Variants in PIK3C2G observed in about 807,000 individuals in gnomAD.
The protein encoded by PIK3C2G is phosphatidylinositol-4-phosphate 3-kinase catalytic subunit type 2 gamma, also known as phosphatidylinositol 3-kinase C2 domain-containing subunit gamma.
PIK3C2G carries 168 observed loss-of-function variants against 181.1 expected under a neutral mutation model. That is an observed-to-expected ratio of 0.93 (90% CI 0.82 to 1.05). The LOEUF is 1.05. Among genes scored for constraint, PIK3C2G ranks in the 50% least tolerant of loss-of-function variants. PIK3C2G has a pLI of 0.00. For missense variants in PIK3C2G, 1,869 were observed against 1,732.8 expected, an observed-to-expected ratio of 1.08 and a Z score of -1.40; for synonymous variants, 573 against 592.2, an observed-to-expected ratio of 0.97 and a Z score of 0.47.
At chr12:18,711,695 G>A in the PIK3C2G span, among the ~76,000 whole-genome samples, 9 of 152,016 alleles carry the variant, frequency 5.9e-5, no homozygotes, top group East Asian at 1.9e-4. Context: ...AGATCGTGGC[G>A]AGAGCAGGAC....
the PIK3C2G span, among the ~76,000 whole-genome samples, chr12:18,698,764 C>A: frequency 2.0e-5 from 3 of 152,136 alleles, no homozygotes; most frequent in Non-Finnish European, 4.4e-5. Context: ...AAGCATTTAT[C>A]CTTTGTGTAA....
chr12:18,433,399 G>A (rs1035190445), intron 18 of PIK3C2G, among the ~76,000 whole-genome samples: 1 of 152,046 alleles, frequency 6.6e-6, no homozygotes, highest in Non-Finnish European at 1.5e-5. Context: ...TGTAATCCTA[G>A]CTACTTGGGA....
At chr12:18,613,254 A>G (rs1948434169) in intron 31 of PIK3C2G, among the ~76,000 whole-genome samples, 2 of 151,978 alleles carry the variant, frequency 1.3e-5, no homozygotes, top group African/African-American at 2.4e-5. Context: ...AGAAGGTGCT[A>G]AACATAACCA....
the PIK3C2G span, among the ~76,000 whole-genome samples, chr12:18,700,138 A>T: frequency 6.6e-6 from 1 of 152,168 alleles, no homozygotes; most frequent in Non-Finnish European, 1.5e-5. Context: ...TGTTAAGATA[A>T]GCTAGCTTAA....
intron 25 of PIK3C2G, among the ~76,000 whole-genome samples, chr12:18,541,408 G>A (rs1228895745): frequency 6.6e-6 from 1 of 151,822 alleles, no homozygotes; most frequent in East Asian, 1.9e-4. Flanking sequence ...GAAAATAAAA[G>A]CCTGTGTTTC....
At chr12:18,720,438 T>A in the PIK3C2G span, among the ~76,000 whole-genome samples, 1 of 151,312 alleles carries the variant, frequency 6.6e-6, no homozygotes, top group Non-Finnish European at 1.5e-5. Flanking sequence ...ATCTCTGAAC[T>A]GTTTTACTCA....
chr12:18,453,835 T>A (rs1378699752), intron 18 of PIK3C2G, among the ~76,000 whole-genome samples: 5 of 152,192 alleles, frequency 3.3e-5, no homozygotes, highest in Non-Finnish European at 5.9e-5. Context: ...GTGTTCTGAC[T>A]CACTGTCTAA....
chr12:18,497,732 C>T lies in PIK3C2G; in HGVS notation c.3000C>T (p.Ser1000=). ...AAATGATCATTTATAGATGTCTATC[C>T]ACAGGAAAAGACCAAGGTCAGTATA... ...DMQMIIYRCL[S]TGKDQGLVQM... is the part of the protein sequence containing the mutation. Residue 1000 remains serine (S), a synonymous_variant, in exon 22 of 33, where the codon TCC becomes TCT. Coordinates refer to ENST00000538779, the MANE Select transcript of PIK3C2G (RefSeq NM_001288772.2). 6.2e-7 allele frequency: 1 copy of T among 1,611,940 alleles called. No individual in the cohort carries two copies. The highest frequency in any genetic ancestry group is 8.5e-7 in the Non-Finnish European group (1 of 1,178,696).
chr12:18,429,001 C>T (rs910822431), intron 18 of PIK3C2G, among the ~76,000 whole-genome samples: 1 of 152,116 alleles, frequency 6.6e-6, no homozygotes, highest in Non-Finnish European at 1.5e-5. Flanking sequence ...GAAGATATGT[C>T]CACAGCCTAA....
At chr12:18,725,287 C>T in the PIK3C2G span, among the ~76,000 whole-genome samples, 403 of 152,032 alleles carry the variant, frequency 2.7e-3, 1 homozygote, top group Non-Finnish European at 4.6e-3. Context: ...TCAAGGGAAG[C>T]GGGGAGAAGA....
chr12:18,517,658 T>C (rs1481784545), intron 24 of PIK3C2G, among the ~76,000 whole-genome samples: 2 of 152,160 alleles, frequency 1.3e-5, no homozygotes, highest in Non-Finnish European at 2.9e-5. Flanking sequence ...TTTCTAAATA[T>C]AGAATCATGT....
At chr12:18,346,573 C>A in intron 10 of PIK3C2G, 68 bp from the exon 11 acceptor site, 4 of 843,000 alleles carry the variant, frequency 4.7e-6, no homozygotes, top group South Asian at 1.8e-5. Flanking sequence ...CATTTCAAAG[C>A]TGTAATTGAT....
rs543819805 is a variant in PIK3C2G at position 18,519,691 on chromosome 12, T to C, written c.3323+14230T>C. On this transcript the variant is annotated intron_variant, in intron 24 of 32. Coordinates refer to ENST00000538779, the MANE Select transcript of PIK3C2G (RefSeq NM_001288772.2). ...ATCCAATTTGTCAGTGTGTGTCTTT[T>C]AGTTGGGACATTTAGCCCATTTACA... 7.2e-5 allele frequency among the ~76,000 whole-genome samples: 11 copies of C among 152,206 alleles called. No homozygotes were observed. In the South Asian group the frequency reaches 2.3e-3, roughly 32 times the overall value.
At chr12:18,278,095 T>G (rs1374871073) in intron 1 of PIK3C2G, among the ~76,000 whole-genome samples, 1 of 152,198 alleles carries the variant, frequency 6.6e-6, no homozygotes, top group Non-Finnish European at 1.5e-5. Context: ...AGTTCATATA[T>G]TGTATTTATT....
chr12:18,327,759 C>G (rs58426452), intron 8 of PIK3C2G, among the ~76,000 whole-genome samples: 1 of 151,752 alleles, frequency 6.6e-6, no homozygotes, highest in African/African-American at 2.4e-5. Context: ...AGAGAATCCT[C>G]CCCCCCAAGG....
chr12:18,651,011 G>T (rs1190140359), downstream of PIK3C2G, among the ~76,000 whole-genome samples: 2 of 151,420 alleles, frequency 1.3e-5, no homozygotes, highest in Non-Finnish European at 2.9e-5. Context: ...ACTCTGCAGG[G>T]GCTTCTAATC....
intron 16 of PIK3C2G, among the ~76,000 whole-genome samples, chr12:18,403,344 G>T (rs1944357350): frequency 6.6e-6 from 1 of 152,126 alleles, no homozygotes; most frequent in African/African-American, 2.4e-5. Flanking sequence ...CACTGCAAAT[G>T]TTGGAGTATT....
chr12:18,527,679 GA>G (rs5796758), intron 24 of PIK3C2G, among the ~76,000 whole-genome samples: 117,536 of 150,102 alleles, frequency 0.78, 46,621 homozygotes, highest in East Asian at 0.96. Flanking sequence ...CAACTTCAAA[GA>G]AAAAAAAAAA....
chr12:18,249,071 T>C (rs1948070636), intron 1 of PIK3C2G, among the ~76,000 whole-genome samples: 1 of 152,186 alleles, frequency 6.6e-6, no homozygotes. Flanking sequence ...ATCATCAATC[T>C]GTTATTTTTC....
Sources: gnomAD v4.1 joint callset for allele counts (sites outside exome capture counted in the v4.1 genomes callset) on GRCh38, gnomAD v4.1.1 for gene constraint, MANE v1.5 for transcripts, NCBI Gene and HGNC (gene_info 2026-07-23, HGNC 2026-07-21) for gene names.